KDM4F: variants seen among roughly 807,000 people sequenced by gnomAD.
KDM4F encodes the protein lysine demethylase 4F.
For synonymous variants in KDM4F, 223 were observed against 184.4 expected (o/e 1.21, Z -1.70); for missense variants, 586 against 496.4 (o/e 1.18, Z -1.71).
exon 1 of KDM4F, chr11:95,049,835 C>A: frequency 6.3e-7 from 1 of 1,597,602 alleles, no homozygotes; most frequent in Non-Finnish European, 8.5e-7. Context: ...CTGATATCAG[C>A]GGCTCCTTAT....
At position 95,050,153 on chromosome 11, in the gene KDM4F, C is replaced by T. The variant is rs1299538341; in HGVS notation, c.732C>T (p.Ala244=). 3.2e-6 allele frequency: 5 copies of T among 1,544,202 alleles called. No homozygotes were observed. In the African/African-American group the frequency reaches 6.8e-5, roughly 21 times the overall value. Reference sequence around the variant, plus strand: ...AGGGCTTCCTGCGGCACAAGGTGGCCCTCATCTCGCCTACAGTTCTCAAAA... The same window carrying T: ...AGGGCTTCCTGCGGCACAAGGTGGCTCTCATCTCGCCTACAGTTCTCAAAA... Residue 244 remains alanine (A), a synonymous_variant, in exon 1 of 1, where the codon GCC becomes GCT. Coordinates refer to ENST00000545950, the Ensembl canonical transcript of KDM4F.
rs1032419496 is a variant in KDM4F, at chr11:95,049,739, A to T, written c.318A>T (p.Lys106Asn). The T allele has an allele frequency of 2.7e-5, 43 of 1,605,562 alleles. No individual in the cohort carries two copies. In the South Asian group the frequency reaches 4.6e-4, roughly 17 times the overall value. ...ATCGCCACTTGGCAAACAGTAAAAA[A>T]TATCAGACTCCGCCACACCAGAATT... Residue 106 changes from lysine (K) to asparagine (N), a missense_variant, in exon 1 of 1, where the codon AAA becomes AAT. Physicochemically the swap from Lys to Asn is moderately conservative, Grantham distance 94. Coordinates refer to ENST00000545950, the Ensembl canonical transcript of KDM4F.
exon 1 of KDM4F, chr11:95,049,700 G>C: frequency 7.5e-6 from 12 of 1,604,226 alleles, no homozygotes; most frequent in Non-Finnish European, 1.0e-5. Context: ...AGAAAGCCAT[G>C]AGGGTGGGGC....
chr11:95,049,681 A>T, exon 1 of KDM4F: 1 of 1,601,922 alleles, frequency 6.2e-7, no homozygotes. Context: ...ACTCAATACC[A>T]TAAAAAGAAG....
exon 1 of KDM4F, chr11:95,049,688 G>C: frequency 6.2e-7 from 1 of 1,602,470 alleles, no homozygotes. Context: ...ACCATAAAAA[G>C]AAGAAAGCCA....
At chr11:95,051,334 A>G (rs1858509965) in exon 1 of KDM4F, 1 of 398,530 alleles carries the variant, frequency 2.5e-6, no homozygotes, top group Non-Finnish European at 4.4e-6. Context: ...TCAAATGTCA[A>G]GTGATATCTA....
rs1362718362 is a variant in KDM4F, at chr11:95,050,060, C to T, written c.639C>T (p.Pro213=). The T allele has an allele frequency of 3.1e-6, 5 of 1,602,766 alleles. No individual in the cohort carries two copies. In the Admixed American group the frequency reaches 8.3e-5, roughly 27 times the overall value. Residue 213 remains proline, a synonymous_variant, in exon 1 of 1, where the codon CCC becomes CCT. Coordinates refer to ENST00000545950, the Ensembl canonical transcript of KDM4F. ...AGCCCAAAACTTGGTACGTGGTGCC[C>T]CCAGAACATGGTCAGCGCCTGGAAT...
chr11:95,049,776 G>C (rs1858492398), exon 1 of KDM4F: 25 of 1,602,542 alleles, frequency 1.6e-5, no homozygotes, highest in Non-Finnish European at 2.1e-5. Flanking sequence ...TGCAGATTTG[G>C]AGCAACGATA....
chr11:95,049,551 G>T, exon 1 of KDM4F: 1 of 1,596,430 alleles, frequency 6.3e-7, no homozygotes, highest in Non-Finnish European at 8.5e-7. Flanking sequence ...ACACCGAGCT[G>T]GCCTCGCCAA....
rs1213157024 is a variant in KDM4F at position 95,050,966 on chromosome 11, C to G, written c.1545C>G (p.Pro515=). 6 of 477,210 alleles carry G rather than the reference C, an allele frequency of 1.3e-5. No individual in the cohort carries two copies. In the Admixed American group the frequency reaches 2.2e-4, roughly 17 times the overall value. The allele number at this position is 477,210 out of a possible 1,614,324, so 29.6% of individuals were successfully genotyped here. The change falls in exon 1 of 1, where the codon CCC becomes CCG. Residue 515 remains proline, a synonymous_variant. Transcript: ENST00000545950. The stretch of plus-strand genomic sequence containing the variant: ...CCCCTGATCTTCAACCCCTGGGGCC[C>G]CCACTGGATCCTGATGAACCCATGC...
At position 95,050,120 on chromosome 11, in the gene KDM4F, G is replaced by C. The variant is rs1858496431; in HGVS notation, c.699G>C (p.Arg233=). The C allele has an allele frequency of 4.5e-6, 7 of 1,562,584 alleles. No homozygotes were observed. The South Asian group carries it at 7.8e-5, about 17-fold the overall frequency. The change falls in exon 1 of 1, where the codon CGG becomes CGC. Residue 233 remains arginine (R), a synonymous_variant. Transcript: ENST00000545950. ...GGGAGCTCTTCCCAGGCAATTCCCG[G>C]GGCTGTGAGGGCTTCCTGCGGCACA...
chr11:95,050,447 G>C, exon 1 of KDM4F: 1 of 785,454 alleles, frequency 1.3e-6, no homozygotes, highest in Non-Finnish European at 2.2e-6. Context: ...TGACTGTTGT[G>C]GATTACATGG....
chr11:95,050,555 A>G, exon 1 of KDM4F: 1 of 691,828 alleles, frequency 1.4e-6, no homozygotes, highest in Non-Finnish European at 2.6e-6. Context: ...GGAACCACAT[A>G]ACCAGCTGTC....
chr11:95,049,689 A>G (rs1050106709), exon 1 of KDM4F: 159 of 1,602,706 alleles, frequency 9.9e-5, no homozygotes, highest in Non-Finnish European at 1.2e-4. Context: ...CCATAAAAAG[A>G]AGAAAGCCAT....
At chr11:95,049,874 A>C in exon 1 of KDM4F, 1 of 1,609,340 alleles carries the variant, frequency 6.2e-7, no homozygotes, top group Non-Finnish European at 8.5e-7. Flanking sequence ...AATGGAACCT[A>C]GGACACCTGG....
exon 1 of KDM4F, chr11:95,051,207 T>C (rs1234580526): frequency 8.5e-5 from 34 of 398,840 alleles, no homozygotes; most frequent in Non-Finnish European, 1.5e-4. Flanking sequence ...CAGGATCTCC[T>C]GGGCCCCTGA....
chr11:95,049,426 A>G, exon 1 of KDM4F: 3 of 1,326,396 alleles, frequency 2.3e-6, no homozygotes, highest in African/African-American at 1.5e-5. Flanking sequence ...GCAGCCATGA[A>G]GTCTGTGCAC....
rs551533160 is a variant in KDM4F at position 95,049,629 on chromosome 11, A to G, written c.208A>G (p.Thr70Ala). 7 of 1,598,934 alleles carry G rather than the reference A, an allele frequency of 4.4e-6. No homozygotes were observed. In the Admixed American group the frequency reaches 8.4e-5, roughly 19 times the overall value. Residue 70 changes from threonine to alanine, a missense_variant, in exon 1 of 1, where the codon ACT (threonine) becomes GCT (alanine). Thr to Ala is a moderately conservative substitution (Grantham distance 58). Transcript: ENST00000545950. ...TGATATTGAAGACATCTTAATAGCCACTCCCCTCCAGCAGGTGACCTCTGG... is the reference window on the plus strand; with the variant it reads ...TGATATTGAAGACATCTTAATAGCCGCTCCCCTCCAGCAGGTGACCTCTGG...
exon 1 of KDM4F, chr11:95,051,214 C>G (rs1858508825): frequency 5.0e-6 from 2 of 398,814 alleles, no homozygotes; most frequent in Non-Finnish European, 8.8e-6. Context: ...TCCTGGGCCC[C>G]TGACTCATCT....
Sources: allele counts gnomAD v4.1 joint callset, GRCh38; gene constraint gnomAD v4.1.1; transcripts MANE v1.5; gene names NCBI Gene and HGNC (gene_info 2026-07-23, HGNC 2026-07-21).